Variants in NCKAP5 observed in about 807,000 individuals in gnomAD.
NCKAP5 encodes nck-associated protein 5.
NCKAP5 carries 92 observed loss-of-function variants against 167.0 expected under a neutral mutation model. That is an observed-to-expected ratio of 0.55 (90% CI 0.47 to 0.66). The LOEUF (loss-of-function observed/expected upper bound fraction) is 0.66. Among genes scored for constraint, NCKAP5 ranks in the 30% least tolerant of loss-of-function variants. NCKAP5 has a pLI of 0.00. For synonymous variants in NCKAP5, 891 were observed against 877.4 expected, an observed-to-expected ratio of 1.02 and a Z score of -0.27; for missense variants, 2,378 against 2,315.0, an observed-to-expected ratio of 1.03 and a Z score of -0.56.
intron 4 of NCKAP5, among the ~76,000 whole-genome samples, chr2:133,245,329 G>GT (rs1178367661): frequency 6.6e-6 from 1 of 152,032 alleles, no homozygotes; most frequent in African/African-American, 2.4e-5. Flanking sequence ...AATGATATAG[G>GT]TAAGTATCAC....
At chr2:133,622,629 T>A in the NCKAP5 span, among the ~76,000 whole-genome samples, 1 of 151,964 alleles carries the variant, frequency 6.6e-6, no homozygotes, top group African/African-American at 2.4e-5. Context: ...CAAGGAAAAC[T>A]ACAAAACACT....
At chr2:133,668,767 G>A in the NCKAP5 span, among the ~76,000 whole-genome samples, 1 of 151,970 alleles carries the variant, frequency 6.6e-6, no homozygotes, top group South Asian at 2.1e-4. Flanking sequence ...CATCAAATGT[G>A]GCATGTTTTC....
In NCKAP5 at chr2:132,818,340, A is replaced by T. The variant is rs574486393; in HGVS notation, c.808-21611T>A. On this transcript the variant is annotated intron_variant, in intron 11 of 19. Coordinates refer to ENST00000409261, the MANE Select transcript of NCKAP5 (RefSeq NM_207363.3). ...CAGACTTATAATTTTTAGGATATGG[A>T]TAATGCAGATTCTCAGGAGTTTCTG... is the stretch of plus-strand genomic sequence containing the variant. Among the ~76,000 whole-genome samples, 8 of 152,308 alleles carry T rather than the reference A, an allele frequency of 5.3e-5. No homozygotes were observed. The East Asian group carries it at 1.4e-3, about 26-fold the overall frequency.
chr2:133,576,546 TA>T, the NCKAP5 span, among the ~76,000 whole-genome samples: 4 of 152,256 alleles, frequency 2.6e-5, no homozygotes, highest in Non-Finnish European at 5.9e-5. Flanking sequence ...GTTCTATGTA[TA>T]TTTTGCAATC....
chr2:132,920,795 A>ATATATATATATATATATG (rs1695356358), intron 8 of NCKAP5, among the ~76,000 whole-genome samples: 1 of 100,452 alleles, frequency 1.0e-5, no homozygotes, highest in Admixed American at 1.0e-4. Context: ...ATATATATAT[A>ATATATATATATATATATG]TATATATATA....
intron 11 of NCKAP5, among the ~76,000 whole-genome samples, chr2:132,841,433 T>C (rs1185530878): frequency 6.6e-6 from 1 of 152,116 alleles, no homozygotes; most frequent in Non-Finnish European, 1.5e-5. Flanking sequence ...TTATTAGAGA[T>C]TATTTCTAAG....
intron 5 of NCKAP5, among the ~76,000 whole-genome samples, chr2:133,146,044 A>G (rs1270224036): frequency 1.3e-5 from 2 of 152,106 alleles, no homozygotes; most frequent in Non-Finnish European, 2.9e-5. Flanking sequence ...GCTCATGTTC[A>G]TATTTACATC....
the NCKAP5 span, among the ~76,000 whole-genome samples, chr2:133,589,363 A>T: frequency 6.6e-6 from 1 of 152,204 alleles, no homozygotes; most frequent in Admixed American, 6.5e-5. Flanking sequence ...AGACAGAATC[A>T]TCTTTCCTGG....
chr2:133,340,695 G>T (rs566114083), intron 3 of NCKAP5, among the ~76,000 whole-genome samples: 1 of 152,254 alleles, frequency 6.6e-6, no homozygotes, highest in Non-Finnish European at 1.5e-5. Flanking sequence ...AACTTGGGTG[G>T]CATTAAATAA....
Position 133,307,536 on chromosome 2 carries a change from A to G in NCKAP5, c.70-4426T>C, listed in dbSNP as rs1291815935. Among the ~76,000 whole-genome samples the G allele has an allele frequency of 3.9e-5, 6 of 152,208 alleles. 1 individual carries two copies. Among genetic ancestry groups the G allele is most frequent in the Non-Finnish European group, 7.3e-5 (5 of 68,036 alleles). On this transcript the variant is annotated intron_variant, in intron 3 of 19. Transcript: ENST00000409261. ...AGAAAAAAAAGGGGGACTTGTTTGAATGCTTATAGCTCAACAAGGAGCAAA... is the reference window on the plus strand; with the variant it reads ...AGAAAAAAAAGGGGGACTTGTTTGAGTGCTTATAGCTCAACAAGGAGCAAA...
chr2:132,856,240 G>A (rs535097203), intron 11 of NCKAP5, among the ~76,000 whole-genome samples: 2 of 152,266 alleles, frequency 1.3e-5, no homozygotes, highest in Admixed American at 1.3e-4. Context: ...ATCTCACAGT[G>A]GGATGCTTGG....
At chr2:133,441,449 T>G (rs1037494321) in intron 3 of NCKAP5, among the ~76,000 whole-genome samples, 1 of 152,226 alleles carries the variant, frequency 6.6e-6, no homozygotes, top group Non-Finnish European at 1.5e-5. Context: ...TTCCAGCAGA[T>G]GGACTAGGTC....
intron 5 of NCKAP5, among the ~76,000 whole-genome samples, chr2:133,144,068 T>C (rs149729156): frequency 6.6e-6 from 1 of 152,080 alleles, no homozygotes; most frequent in Admixed American, 6.6e-5. Flanking sequence ...GTCTGAAAAA[T>C]AGAGAGACAG....
intron 11 of NCKAP5, among the ~76,000 whole-genome samples, chr2:132,818,004 G>A (rs539352540): frequency 5.7e-4 from 87 of 152,090 alleles, no homozygotes; most frequent in South Asian, 1.5e-3. Context: ...CTGCAGTGCC[G>A]CGGCATGATC....
At chr2:133,248,432 C>T (rs2088119986) in intron 4 of NCKAP5, among the ~76,000 whole-genome samples, 1 of 152,206 alleles carries the variant, frequency 6.6e-6, no homozygotes, top group Non-Finnish European at 1.5e-5. Flanking sequence ...GTGCCCTGGG[C>T]TCGTCTCCCA....
intron 19 of NCKAP5, among the ~76,000 whole-genome samples, chr2:132,697,842 G>A (rs1325624621): frequency 1.3e-5 from 2 of 152,124 alleles, no homozygotes; most frequent in Non-Finnish European, 2.9e-5. Flanking sequence ...TTAGTTGTTA[G>A]GGAAAACGTT....
At chr2:133,320,536 G>A (rs1396015211) in intron 3 of NCKAP5, among the ~76,000 whole-genome samples, 2 of 152,116 alleles carry the variant, frequency 1.3e-5, no homozygotes, top group African/African-American at 2.4e-5. Flanking sequence ...AGACCATCCT[G>A]GCTAACATGG....
intron 3 of NCKAP5, 117 bp from the exon 4 acceptor site, chr2:133,303,227 G>C: frequency 3.0e-6 from 2 of 673,230 alleles, no homozygotes; most frequent in Non-Finnish European, 5.4e-6. Flanking sequence ...CTTCCCTTCC[G>C]GTTCTAGGAT....
intron 6 of NCKAP5, among the ~76,000 whole-genome samples, chr2:133,008,322 C>G (rs1295313421): frequency 1.3e-5 from 2 of 152,194 alleles, no homozygotes; most frequent in Non-Finnish European, 2.9e-5. Context: ...TCCCTGAGAT[C>G]TCTGAATTGT....
Sources: gnomAD v4.1 joint callset for allele counts (sites outside exome capture counted in the v4.1 genomes callset) on GRCh38, gnomAD v4.1.1 for gene constraint, MANE v1.5 for transcripts, NCBI Gene and HGNC (gene_info 2026-07-23, HGNC 2026-07-21) for gene names.